The following TAFA4 variants were observed in gnomAD, a reference collection of about 807,000 sequenced individuals.
TAFA4 encodes the protein TAFA chemokine like family member 4.
Under a neutral mutation model 21.1 loss-of-function variants are expected in TAFA4, and 20 were observed. The observed-to-expected ratio is 0.95, with a 90% CI of 0.67 to 1.38. The LOEUF is 1.38. TAFA4 is among the 40% of genes most tolerant of loss of function. The probability of loss-of-function intolerance (pLI) is 0.00; values close to 1 mark genes in which losing one functional copy is unlikely to be tolerated. For synonymous variants in TAFA4, 71 were observed against 67.4 expected (o/e 1.05, Z -0.26); for missense variants, 211 against 180.9 (o/e 1.17, Z -0.95).
chr3:68,861,721 G>A (rs550143329), intron 3 of TAFA4, among the ~76,000 whole-genome samples: 2 of 151,922 alleles, frequency 1.3e-5, no homozygotes, highest in Non-Finnish European at 2.9e-5. Flanking sequence ...AGCCTTGGAA[G>A]ACTTCAAACA....
At chr3:68,869,338 G>A (rs559102285) in intron 3 of TAFA4, among the ~76,000 whole-genome samples, 1 of 145,944 alleles carries the variant, frequency 6.9e-6, no homozygotes, top group African/African-American at 2.8e-5. Flanking sequence ...TGAAGAAGAG[G>A]TAATATGTGC....
chr3:68,844,256 G>T (rs1306828539), intron 3 of TAFA4, among the ~76,000 whole-genome samples: 5 of 152,102 alleles, frequency 3.3e-5, no homozygotes, highest in Non-Finnish European at 7.4e-5. Flanking sequence ...GAGGGTGTAT[G>T]TGTCCAGGAA....
Position 68,851,419 on chromosome 3 carries a change from A to G in TAFA4, c.130+29311T>C, listed in dbSNP as rs146833310. Among the ~76,000 whole-genome samples, 421 of 152,260 alleles carry G rather than the reference A, an allele frequency of 2.8e-3. 1 individual carries two copies. The highest frequency in any genetic ancestry group is 3.3e-3 in the Admixed American group (51 of 15,286). ...CTTAATACCTAGGTGATGGGTTGAT[A>G]GGTGCAGCAAACCACCGTGGCACAC... On this transcript the variant is annotated intron_variant, in intron 3 of 5. Coordinates refer to ENST00000295569, the MANE Select transcript of TAFA4 (RefSeq NM_182522.5).
intron 3 of TAFA4, among the ~76,000 whole-genome samples, chr3:68,801,811 G>A (rs137934254): frequency 7.2e-5 from 11 of 152,152 alleles, no homozygotes; most frequent in Non-Finnish European, 1.2e-4. Context: ...CAGTGGGCCA[G>A]ATTTGATCAA....
At chr3:68,854,488 G>A (rs761554793) in intron 3 of TAFA4, among the ~76,000 whole-genome samples, 12 of 152,220 alleles carry the variant, frequency 7.9e-5, no homozygotes, top group Admixed American at 2.6e-4. Flanking sequence ...TCAAAAGGCC[G>A]TGTGTTCACA....
chr3:68,813,471 A>T (rs186681019), intron 3 of TAFA4, among the ~76,000 whole-genome samples: 88 of 152,296 alleles, frequency 5.8e-4, no homozygotes, highest in African/African-American at 1.5e-3. Context: ...ACAATAAAAA[A>T]TGATAACAGG....
At chr3:68,800,803 TAATAAGAACCGAAGCACTTG>T (rs1703561910) in intron 3 of TAFA4, among the ~76,000 whole-genome samples, 1 of 152,218 alleles carries the variant, frequency 6.6e-6, no homozygotes, top group South Asian at 2.1e-4. Context: ...TCCACAAATT[TAATAAGAACCGAAGCACTTG>T]AAGAACTGAG....
At chr3:68,881,122 A>C (rs1179011634) in intron 2 of TAFA4, among the ~76,000 whole-genome samples, 38 of 152,212 alleles carry the variant, frequency 2.5e-4, no homozygotes, top group Admixed American at 2.5e-3. Flanking sequence ...AGTTACCCTA[A>C]TAGAGCATGG....
intron 3 of TAFA4, among the ~76,000 whole-genome samples, chr3:68,782,310 C>T (rs1213239736): frequency 6.6e-6 from 1 of 152,008 alleles, no homozygotes; most frequent in African/African-American, 2.4e-5. Flanking sequence ...CACTTCACAC[C>T]CAAGAGGATG....
At chr3:68,921,409 C>A (rs1003371076) in intron 1 of TAFA4, among the ~76,000 whole-genome samples, 8 of 152,108 alleles carry the variant, frequency 5.3e-5, no homozygotes, top group African/African-American at 1.9e-4. Flanking sequence ...TTTTCTTATT[C>A]AAAAGAGACT....
chr3:68,857,824 A>T (rs1705104738), intron 3 of TAFA4, among the ~76,000 whole-genome samples: 2 of 151,142 alleles, frequency 1.3e-5, no homozygotes, highest in African/African-American at 4.9e-5. Context: ...AAAAAAACAA[A>T]AAGAAAAAAA....
chr3:68,743,621 A>AAATATCATAACAATTTCCCCT (rs1702399609), intron 4 of TAFA4, among the ~76,000 whole-genome samples: 1 of 151,770 alleles, frequency 6.6e-6, no homozygotes, highest in African/African-American at 2.4e-5. Context: ...TTGCAGCCTC[A>AAATATCATAACAATTTCCCCT]AATATCATAA....
At chr3:68,904,700 G>A (rs1168900105) in intron 1 of TAFA4, among the ~76,000 whole-genome samples, 2 of 152,190 alleles carry the variant, frequency 1.3e-5, no homozygotes, top group Admixed American at 6.5e-5. Context: ...GGGCTCCCAA[G>A]AAGCATAGAG....
chr3:68,812,348 C>A (rs1051400224), intron 3 of TAFA4, among the ~76,000 whole-genome samples: 26 of 152,224 alleles, frequency 1.7e-4, no homozygotes, highest in African/African-American at 6.0e-4. Context: ...TGTAAGTGGG[C>A]TAAATGCTCC....
intron 3 of TAFA4, among the ~76,000 whole-genome samples, chr3:68,856,142 G>C (rs1024263560): frequency 6.6e-6 from 1 of 152,032 alleles, no homozygotes; most frequent in African/African-American, 2.4e-5. Flanking sequence ...TGCTGATTTG[G>C]TTAAACTACT....
Position 68,804,607 on chromosome 3 carries a change from A to T in TAFA4, c.131-51589T>A, listed in dbSNP as rs572439256. Among the ~76,000 whole-genome samples the T allele has an allele frequency of 1.7e-3, 253 of 152,340 alleles. 1 individual carries two copies. The highest frequency in any genetic ancestry group is 5.9e-3 in the African/African-American group (247 of 41,582). On this transcript the variant is annotated intron_variant, in intron 3 of 5. Coordinates refer to ENST00000295569, the MANE Select transcript of TAFA4 (RefSeq NM_182522.5). ...ATGGTACTGGTACCAAAACAGAGAT[A>T]TAGATCAATGGAAGAGAACAGAGGC...
intron 1 of TAFA4, among the ~76,000 whole-genome samples, chr3:68,891,073 T>A (rs1320580613): frequency 6.6e-6 from 1 of 152,154 alleles, no homozygotes; most frequent in Non-Finnish European, 1.5e-5. Context: ...TCACCACCAT[T>A]TTTTTAAACA....
Position 68,732,383 on chromosome 3 carries a change from C to A in TAFA4, c.*759G>T, listed in dbSNP as rs907325262. ...TTTACCTACATGACTACACAAAAGC[C>A]GTAAAAATTCCAACAAGTTTTATAA... On this transcript the variant is annotated 3_prime_UTR_variant, in exon 6 of 6. Coordinates refer to ENST00000295569, the MANE Select transcript of TAFA4 (RefSeq NM_182522.5). 1 of 152,438 alleles carries A rather than the reference C, an allele frequency of 6.6e-6. No homozygotes were observed. Among genetic ancestry groups the A allele is most frequent in the South Asian group, 2.1e-4 (1 of 4,814 alleles). The allele number at this position is 152,438 out of a possible 1,614,324, so 9.4% of individuals were successfully genotyped here.
intron 3 of TAFA4, among the ~76,000 whole-genome samples, chr3:68,861,240 A>G (rs2089340459): frequency 6.6e-6 from 1 of 151,926 alleles, no homozygotes; most frequent in African/African-American, 2.4e-5. Context: ...GTTACCTGCG[A>G]TGAGGGTTCA....
Sources: gnomAD v4.1 joint callset for allele counts (sites outside exome capture counted in the v4.1 genomes callset) on GRCh38, gnomAD v4.1.1 for gene constraint, MANE v1.5 for transcripts, NCBI Gene and HGNC (gene_info 2026-07-23, HGNC 2026-07-21) for gene names.